ROR1: variants seen among roughly 807,000 people sequenced by gnomAD.
ROR1 encodes inactive tyrosine-protein kinase transmembrane receptor ROR1.
In ROR1, 19 loss-of-function variants were observed where a neutral mutation model predicts 78.8. The observed-to-expected ratio is 0.24, with a 90% CI of 0.17 to 0.35. The LOEUF (loss-of-function observed/expected upper bound fraction) is 0.35, where lower values mean the gene tolerates loss of function less well. Among genes scored for constraint, ROR1 ranks in the 10% least tolerant of loss-of-function variants. ROR1 has a pLI of 1.00. For synonymous variants in ROR1, 386 were observed against 433.6 expected (o/e 0.89, Z 1.36); for missense variants, 917 against 1,177.8 (o/e 0.78, Z 3.24).
intron 1 of ROR1, among the ~76,000 whole-genome samples, chr1:63,791,933 G>T (rs1644729388): frequency 1.3e-5 from 2 of 152,082 alleles, no homozygotes; most frequent in South Asian, 2.1e-4. Flanking sequence ...TATTTACGTG[G>T]CAGGCATCAT....
chr1:63,972,097 A>G (rs1234404308), intron 1 of ROR1, among the ~76,000 whole-genome samples: 1 of 152,182 alleles, frequency 6.6e-6, no homozygotes, highest in Admixed American at 6.5e-5. Context: ...TTAGCACTCT[A>G]CTGGCTGTGT....
intron 4 of ROR1, among the ~76,000 whole-genome samples, chr1:64,087,526 T>A (rs1647164438): frequency 6.6e-6 from 1 of 152,238 alleles, no homozygotes; most frequent in Non-Finnish European, 1.5e-5. Context: ...CATTTATTTC[T>A]GTTTTGATGG....
intron 4 of ROR1, among the ~76,000 whole-genome samples, chr1:64,071,657 C>T (rs1436344415): frequency 6.6e-6 from 1 of 150,418 alleles, no homozygotes; most frequent in Non-Finnish European, 1.5e-5. Flanking sequence ...TGGGTTTCAT[C>T]CTCATCTGGA....
intron 1 of ROR1, among the ~76,000 whole-genome samples, chr1:63,920,192 G>A (rs992339897): frequency 2.0e-5 from 3 of 152,118 alleles, no homozygotes; most frequent in South Asian, 2.1e-4. Flanking sequence ...CCCTGCTTTG[G>A]TGGAATATTT....
chr1:64,090,286 G>T (rs544825296), intron 4 of ROR1, among the ~76,000 whole-genome samples: 4 of 152,092 alleles, frequency 2.6e-5, no homozygotes, highest in African/African-American at 9.7e-5. Context: ...CATGTGACAG[G>T]CCTTGGGAAA....
chr1:63,914,678 C>T (rs751807567), intron 1 of ROR1, among the ~76,000 whole-genome samples: 8 of 152,090 alleles, frequency 5.3e-5, no homozygotes, highest in African/African-American at 9.7e-5. Flanking sequence ...TACACATGAC[C>T]GTTGGAACCC....
At chr1:63,968,502 G>A (rs529566473) in intron 1 of ROR1, among the ~76,000 whole-genome samples, 5 of 151,804 alleles carry the variant, frequency 3.3e-5, no homozygotes, top group African/African-American at 9.7e-5. Context: ...TTTTTCGTAT[G>A]AGAAAAATTA....
chr1:64,156,726 A>T (rs1045796313), intron 7 of ROR1, among the ~76,000 whole-genome samples: 1 of 135,856 alleles, frequency 7.4e-6, no homozygotes, highest in South Asian at 2.4e-4. Context: ...AAAAAAAAAA[A>T]GCAGGGATTT....
In ROR1 at chr1:64,171,508, T is replaced by C. The variant is rs574407876; in HGVS notation, c.1387-5920T>C. The stretch of plus-strand genomic sequence containing the variant: ...GCAAGCACAAATGCCATGTGAAACC[T>C]GCTATTCTTCTGTAGACACTTGTGT... On this transcript the variant is annotated intron_variant, in intron 8 of 8. Coordinates refer to ENST00000371079, the MANE Select transcript of ROR1 (RefSeq NM_005012.4). Among the ~76,000 whole-genome samples the C allele has an allele frequency of 3.2e-4, 49 of 152,324 alleles. 1 individual carries two copies. The South Asian group carries it at 9.5e-3, about 30-fold the overall frequency.
chr1:63,882,853 A>G (rs956865204), intron 1 of ROR1, among the ~76,000 whole-genome samples: 2 of 152,224 alleles, frequency 1.3e-5, no homozygotes, highest in Admixed American at 6.5e-5. Flanking sequence ...GCATGAGTCC[A>G]GAGGAAAACA....
At chr1:64,131,314 T>C in intron 4 of ROR1, among the ~76,000 whole-genome samples, 1 of 152,174 alleles carries the variant, frequency 6.6e-6, no homozygotes, top group East Asian at 1.9e-4. Flanking sequence ...CCTATGAGGC[T>C]GCCATGCTGT....
At chr1:63,831,014 G>T (rs1644984913) in intron 1 of ROR1, among the ~76,000 whole-genome samples, 1 of 152,228 alleles carries the variant, frequency 6.6e-6, no homozygotes, top group Non-Finnish European at 1.5e-5. Context: ...AATCTCCTTT[G>T]ACTCTATGTC....
chr1:63,815,473 C>CTTTTTTT (rs1557510128), intron 1 of ROR1, among the ~76,000 whole-genome samples: 11 of 96,162 alleles, frequency 1.1e-4, no homozygotes, highest in African/African-American at 8.4e-4. Context: ...CTTTTCTTTT[C>CTTTTTTT]TTTTCTTTTT....
intron 1 of ROR1, among the ~76,000 whole-genome samples, chr1:63,995,514 A>C (rs1646329874): frequency 6.6e-6 from 1 of 152,196 alleles, no homozygotes. Context: ...TTTTGCCTTC[A>C]GTTTCTCAAA....
intron 1 of ROR1, among the ~76,000 whole-genome samples, chr1:63,979,571 G>A (rs1247271835): frequency 6.6e-6 from 1 of 152,182 alleles, no homozygotes; most frequent in Non-Finnish European, 1.5e-5. Context: ...CAGGGTGGTA[G>A]CCTGAAACCC....
intron 1 of ROR1, among the ~76,000 whole-genome samples, chr1:63,899,240 A>G (rs1557550720): frequency 6.6e-6 from 1 of 152,140 alleles, no homozygotes; most frequent in Non-Finnish European, 1.5e-5. Context: ...CCACATTCAG[A>G]AGATTTTCAG....
rs181751815 is a variant in ROR1 at position 63,821,176 on chromosome 1, A to G, written c.91+46668A>G. Among the ~76,000 whole-genome samples the G allele has an allele frequency of 3.9e-5, 6 of 152,302 alleles. No individual in the cohort carries two copies. In the East Asian group the frequency reaches 1.2e-3, roughly 29 times the overall value. ...AGATTAAAGCAAGGTGCTCTGCATA[A>G]TTCTCACATTTAACCATGCTGTCCT... On this transcript the variant is annotated intron_variant, in intron 1 of 8. Transcript: ENST00000371079.
At chr1:63,836,357 C>G (rs1445479757) in intron 1 of ROR1, among the ~76,000 whole-genome samples, 1 of 152,142 alleles carries the variant, frequency 6.6e-6, no homozygotes, top group Non-Finnish European at 1.5e-5. Flanking sequence ...AGTGGAAAAA[C>G]TAAATTTACG....
chr1:64,106,002 A>C (rs1569768274), intron 4 of ROR1: 1 of 152,046 alleles, frequency 6.6e-6, no homozygotes, highest in Admixed American at 6.6e-5. Context: ...GAAGAACGTC[A>C]ATGGTAGCTT....
Sources: gnomAD v4.1 joint callset for allele counts (sites outside exome capture counted in the v4.1 genomes callset) on GRCh38, gnomAD v4.1.1 for gene constraint, MANE v1.5 for transcripts, NCBI Gene and HGNC (gene_info 2026-07-23, HGNC 2026-07-21) for gene names.